The following USH2A variants were observed in gnomAD, a reference collection of about 807,000 sequenced individuals.
USH2A encodes the protein Usher syndrome 2A (autosomal recessive, mild).
In USH2A, 443 loss-of-function variants were observed where a neutral mutation model predicts 538.9. The observed-to-expected ratio is 0.82, with a 90% CI of 0.76 to 0.89. USH2A has a LOEUF of 0.89. Among genes scored for constraint, USH2A ranks in the 40% least tolerant of loss-of-function variants. USH2A has a pLI of 0.00. For synonymous variants in USH2A, 2,413 were observed against 2,273.5 expected (o/e 1.06, Z -1.75); for missense variants, 6,633 against 6,324.8 (o/e 1.05, Z -1.65).
At chr1:215,956,745 T>G (rs966547699) in intron 37 of USH2A, among the ~76,000 whole-genome samples, 5 of 152,152 alleles carry the variant, frequency 3.3e-5, no homozygotes, top group Admixed American at 6.6e-5. Flanking sequence ...AATAGCCAAT[T>G]AGATATCAGA....
chr1:216,393,843 TAAA>T (rs1472975601), intron 3 of USH2A, among the ~76,000 whole-genome samples: 2 of 152,112 alleles, frequency 1.3e-5, no homozygotes, highest in Non-Finnish European at 2.9e-5. Context: ...ATGACACTGT[TAAA>T]ATATTGAGAA....
chr1:215,767,487 T>C (rs1661166316), intron 55 of USH2A, among the ~76,000 whole-genome samples: 1 of 152,230 alleles, frequency 6.6e-6, no homozygotes, highest in Non-Finnish European at 1.5e-5. Context: ...TGAGGTGTGT[T>C]GATTTTGTCT....
intron 44 of USH2A, among the ~76,000 whole-genome samples, chr1:215,850,138 C>A (rs1663977779): frequency 6.6e-6 from 1 of 151,762 alleles, no homozygotes; most frequent in African/African-American, 2.4e-5. Context: ...AAAATTATAT[C>A]ATAACAACAA....
intron 38 of USH2A, among the ~76,000 whole-genome samples, chr1:215,919,386 G>T (rs182767041): frequency 1.3e-5 from 2 of 152,126 alleles, no homozygotes; most frequent in Non-Finnish European, 1.5e-5. Flanking sequence ...GTGAGATAGT[G>T]CTTATTATTT....
At chr1:216,350,097 A>G (rs2038252833) in intron 4 of USH2A, among the ~76,000 whole-genome samples, 1 of 152,126 alleles carries the variant, frequency 6.6e-6, no homozygotes, top group Admixed American at 6.6e-5. Context: ...GCAGGAGCAA[A>G]GTGGGAGGAG....
chr1:215,677,756 T>TG, intron 62 of USH2A, among the ~76,000 whole-genome samples: 1 of 152,342 alleles, frequency 6.6e-6, no homozygotes, highest in South Asian at 2.1e-4. Flanking sequence ...CCTCAGGGCT[T>TG]GATCCCAGAC....
chr1:216,107,928 T>C (rs1284042918), intron 21 of USH2A, among the ~76,000 whole-genome samples: 1 of 151,924 alleles, frequency 6.6e-6, no homozygotes, highest in East Asian at 1.9e-4. Context: ...CCATTTACCA[T>C]TGTCCAATTA....
At chr1:216,414,698 C>T (rs966494804) in intron 3 of USH2A, among the ~76,000 whole-genome samples, 2 of 151,952 alleles carry the variant, frequency 1.3e-5, no homozygotes, top group African/African-American at 2.4e-5. Flanking sequence ...GGCCATTCCA[C>T]GAATAGAGTT....
intron 27 of USH2A, 55 bp from the exon 28 acceptor site, chr1:216,073,355 A>G (rs564454771): frequency 6.3e-7 from 1 of 1,581,630 alleles, no homozygotes; most frequent in South Asian, 1.1e-5. Context: ...ATTAATTACC[A>G]ATCATTTTTG....
At position 216,246,973 on chromosome 1, in the gene USH2A, G is replaced by A. The variant is rs748168030; in HGVS notation, c.2421C>T (p.Val807=). The A allele has an allele frequency of 3.1e-6, 5 of 1,614,084 alleles. No individual in the cohort carries two copies. Among genetic ancestry groups the A allele is most frequent in the Non-Finnish European group, 3.4e-6 (4 of 1,179,984 alleles). The change falls in exon 13 of 72, where the codon GTC becomes GTT. Residue 807 remains valine (V), a synonymous_variant. Transcript: ENST00000307340. ...CDTAGSLPGT[V]CNAKTGQCIC... Reference sequence around the variant, plus strand: ...TGCACTGCCCTGTCTTAGCATTACAGACAGTCCCAGGGAGGGATCCAGCTG... The same window carrying A: ...TGCACTGCCCTGTCTTAGCATTACAAACAGTCCCAGGGAGGGATCCAGCTG...
intron 64 of USH2A, among the ~76,000 whole-genome samples, 192 bp downstream of exon 64, chr1:215,670,780 A>G (rs1454063573): frequency 6.6e-6 from 1 of 152,132 alleles, no homozygotes; most frequent in African/African-American, 2.4e-5. Flanking sequence ...TGGCTCAAAA[A>G]CCAAGAAAAT....
intron 20 of USH2A, among the ~76,000 whole-genome samples, chr1:216,176,793 T>C (rs532414130): frequency 7.0e-4 from 107 of 152,296 alleles, no homozygotes; most frequent in Non-Finnish European, 1.4e-3. Flanking sequence ...GTTGGAATCA[T>C]AAAGCATGTA....
intron 37 of USH2A, among the ~76,000 whole-genome samples, chr1:215,953,715 G>A (rs1369510271): frequency 6.6e-6 from 1 of 151,932 alleles, no homozygotes; most frequent in African/African-American, 2.4e-5. Flanking sequence ...TGACAAATGG[G>A]ATCTAATTAA....
At chr1:216,338,618 T>C (rs1415875126) in intron 4 of USH2A, among the ~76,000 whole-genome samples, 1 of 151,412 alleles carries the variant, frequency 6.6e-6, no homozygotes, top group Non-Finnish European at 1.5e-5. Context: ...ATTTTAAAAG[T>C]CAAACCACTG....
At chr1:216,332,510 G>A (rs922592547) in intron 4 of USH2A, among the ~76,000 whole-genome samples, 12 of 152,130 alleles carry the variant, frequency 7.9e-5, no homozygotes, top group Non-Finnish European at 1.5e-4. Context: ...ATATGCGCAT[G>A]CTAAAGAAAG....
At chr1:215,955,286 T>C (rs116731970) in intron 37 of USH2A, among the ~76,000 whole-genome samples, 3,213 of 152,186 alleles carry the variant, frequency 0.021, 69 homozygotes, top group South Asian at 0.084. Flanking sequence ...TTTGGAGAAA[T>C]AGGTTTACAA....
At chr1:215,816,926 G>A (rs1413789937) in intron 48 of USH2A, 71 bp downstream of exon 48, 2 of 1,458,712 alleles carry the variant, frequency 1.4e-6, no homozygotes, top group Admixed American at 3.4e-5. Context: ...CATGGTGTGA[G>A]AAGCTAATAA....
At chr1:215,876,536 A>G (rs1275871751) in intron 43 of USH2A, among the ~76,000 whole-genome samples, 1 of 152,204 alleles carries the variant, frequency 6.6e-6, no homozygotes. Flanking sequence ...GCCAGACACC[A>G]TGCTAGGAAC....
chr1:216,160,135 A>G (rs1048345588), intron 21 of USH2A, among the ~76,000 whole-genome samples: 6 of 151,842 alleles, frequency 4.0e-5, no homozygotes, highest in African/African-American at 1.2e-4. Flanking sequence ...TCTGTTTGCT[A>G]TATCATTGAT....
Sources: allele counts gnomAD v4.1 joint callset (sites outside exome capture counted in the v4.1 genomes callset), GRCh38; gene constraint gnomAD v4.1.1; transcripts MANE v1.5; gene names NCBI Gene and HGNC (gene_info 2026-07-23, HGNC 2026-07-21).